Variants in WNT7A observed in about 807,000 individuals in gnomAD.
WNT7A encodes the protein Wnt family member 7A.
A neutral mutation model predicts 28.2 loss-of-function variants in WNT7A; 16 were observed. That is an observed-to-expected ratio of 0.57 (90% CI 0.38 to 0.86). WNT7A has a LOEUF of 0.86. Among genes scored for constraint, WNT7A ranks in the 40% least tolerant of loss-of-function variants. The pLI is 0.00. For synonymous variants in WNT7A, 190 were observed against 195.9 expected, an observed-to-expected ratio of 0.97 and a Z score of 0.25; for missense variants, 411 against 489.7, an observed-to-expected ratio of 0.84 and a Z score of 1.52.
At position 13,880,023 on chromosome 3, in the gene WNT7A, C is replaced by G. The variant is rs904094896; in HGVS notation, c.-207G>C. 1.6e-5 allele frequency: 6 copies of G among 371,864 alleles called. No individual in the cohort carries two copies. Among genetic ancestry groups the G allele is most frequent in the African/African-American group, 4.2e-5 (2 of 47,166 alleles). 23.0% of individuals were successfully genotyped at this position (371,864 alleles called of 1,614,324 possible). A position where few individuals can be genotyped will look rare whatever the true frequency, so the allele number is the denominator to read the frequency against. On this transcript the variant is annotated 5_prime_UTR_variant, in exon 1 of 4. Transcript: ENST00000285018. ...GCGGGAGGAGGGAGGGAGGAGCGAG[C>G]GCGGCGTGGGGCGACGCCGGGCTGC...
At chr3:13,869,901 C>T (rs1052119990) in intron 2 of WNT7A, among the ~76,000 whole-genome samples, 2 of 152,154 alleles carry the variant, frequency 1.3e-5, no homozygotes, top group African/African-American at 4.8e-5. Flanking sequence ...ACTCTCTGAG[C>T]CACCGTCTCC....
chr3:13,879,075 C>T (rs529915606), intron 1 of WNT7A, among the ~76,000 whole-genome samples: 1 of 152,360 alleles, frequency 6.6e-6, no homozygotes, highest in East Asian at 1.9e-4. Flanking sequence ...GTGTCTCAGA[C>T]CGCCTCTCGT....
intron 3 of WNT7A, among the ~76,000 whole-genome samples, chr3:13,834,468 G>C (rs549898092): frequency 2.0e-5 from 3 of 152,042 alleles, no homozygotes; most frequent in Non-Finnish European, 2.9e-5. Context: ...GGTGTACGGG[G>C]CTCCTTTTAC....
At chr3:13,845,802 A>T (rs1275350494) in intron 3 of WNT7A, among the ~76,000 whole-genome samples, 2 of 152,242 alleles carry the variant, frequency 1.3e-5, no homozygotes, top group Non-Finnish European at 2.9e-5. Context: ...CACCAAGAGT[A>T]TGCCAGGCCC....
At chr3:13,860,782 T>A (rs777515122) in intron 2 of WNT7A, among the ~76,000 whole-genome samples, 3 of 152,164 alleles carry the variant, frequency 2.0e-5, no homozygotes, top group Non-Finnish European at 4.4e-5. Flanking sequence ...TTCAGGTGGG[T>A]AATTTCCCGA....
At chr3:13,860,706 G>A (rs1365903376) in intron 2 of WNT7A, among the ~76,000 whole-genome samples, 2 of 152,098 alleles carry the variant, frequency 1.3e-5, no homozygotes, top group Non-Finnish European at 2.9e-5. Flanking sequence ...GAACTCCCTT[G>A]GACCCTGGTC....
intron 2 of WNT7A, among the ~76,000 whole-genome samples, chr3:13,870,963 C>T (rs890035268): frequency 2.6e-5 from 4 of 152,222 alleles, no homozygotes; most frequent in African/African-American, 9.6e-5. Context: ...CCCATTGCTG[C>T]CTCTCAGCTC....
intron 3 of WNT7A, among the ~76,000 whole-genome samples, chr3:13,851,621 A>G (rs796741802): frequency 8.5e-5 from 13 of 152,236 alleles, no homozygotes; most frequent in African/African-American, 3.1e-4. Flanking sequence ...CTTGTACCTG[A>G]TTCTCTCACT....
intron 2 of WNT7A, among the ~76,000 whole-genome samples, chr3:13,857,034 G>A (rs555828296): frequency 2.1e-4 from 32 of 152,078 alleles, no homozygotes; most frequent in African/African-American, 4.3e-4. Context: ...AGTAACACAC[G>A]CCCATCAGAG....
chr3:13,845,726 G>C (rs1443995309), intron 3 of WNT7A, among the ~76,000 whole-genome samples: 1 of 152,204 alleles, frequency 6.6e-6, no homozygotes, highest in African/African-American at 2.4e-5. Context: ...GATGCACCCA[G>C]CCCTACTGCC....
chr3:13,878,885 A>C (rs1280693659), intron 1 of WNT7A, among the ~76,000 whole-genome samples: 1 of 151,944 alleles, frequency 6.6e-6, no homozygotes, highest in East Asian at 1.9e-4. Flanking sequence ...GGCTTTGCAC[A>C]AGCAGCTCCA....
At position 13,875,235 on chromosome 3, in the gene WNT7A, C is replaced by A. The variant is rs572272192; in HGVS notation, c.72-62G>T. On this transcript the variant is annotated intron_variant, in intron 1 of 3. Coordinates refer to ENST00000285018, the MANE Select transcript of WNT7A (RefSeq NM_004625.4). ...CAGCAAGGGGGCATGGCCTGGGAAC[C>A]CTTCGTAGGTGTCCAGCACTGGCCA... 176 of 1,576,574 alleles carry A rather than the reference C, an allele frequency of 1.1e-4. 2 individuals are homozygous for A. Among genetic ancestry groups the A allele is most frequent in the South Asian group, 5.4e-4 (48 of 89,416 alleles).
intron 3 of WNT7A, among the ~76,000 whole-genome samples, chr3:13,849,347 G>T (rs1433355): frequency 0.13 from 20,204 of 152,148 alleles, 1,925 homozygotes; most frequent in African/African-American, 0.27. Context: ...GATACATGGC[G>T]AATCATTTTT....
chr3:13,819,247 G>A lies in WNT7A; in HGVS notation c.747C>T (p.Pro249=), dbSNP rs1047048047. ...EPVRASRNKR[P]TFLKIKKPLS... The stretch of plus-strand genomic sequence containing the variant: ...GTGGCTTCTTGATCTTCAGGAAGGT[G>A]GGCCGCTTGTTGCGGCTGGCACGCA... Residue 249 remains proline (P), a synonymous_variant, in exon 4 of 4, where the codon CCC becomes CCT. Coordinates refer to ENST00000285018, the MANE Select transcript of WNT7A (RefSeq NM_004625.4). The A allele has an allele frequency of 2.5e-6, 4 of 1,614,118 alleles. No individual in the cohort carries two copies. Among genetic ancestry groups the A allele is most frequent in the Admixed American group, 3.3e-5 (2 of 60,016 alleles).
chr3:13,819,318 A>G lies in WNT7A; in HGVS notation c.676T>C (p.Tyr226His). The change falls in exon 4 of 4, where the codon TAC (tyrosine) becomes CAC (histidine). Residue 226 changes from tyrosine to histidine, a missense_variant. By Grantham distance (83) the Tyr-to-His change is moderately conservative. Coordinates refer to ENST00000285018, the MANE Select transcript of WNT7A (RefSeq NM_004625.4). The part of the protein sequence containing the change: ...TTLPQFRELG[Y>H]VLKDKYNEAV... Reference sequence around the variant, plus strand: ...TCGTTGTACTTGTCCTTGAGCACGTAGCCCAGCTCCCGAAACTGTGGCAGT... The same window carrying G: ...TCGTTGTACTTGTCCTTGAGCACGTGGCCCAGCTCCCGAAACTGTGGCAGT... 1 of 1,613,428 alleles carries G rather than the reference A, an allele frequency of 6.2e-7. No homozygotes were observed. Among genetic ancestry groups the G allele is most frequent in the Non-Finnish European group, 8.5e-7 (1 of 1,179,460 alleles).
intron 2 of WNT7A, 102 bp from the exon 3 acceptor site, chr3:13,854,905 C>G: frequency 1.3e-6 from 2 of 1,487,742 alleles, no homozygotes. Context: ...AATGCAATGG[C>G]TCTCCAAAGC....
At chr3:13,873,836 G>A (rs1399235943) in intron 2 of WNT7A, among the ~76,000 whole-genome samples, 3 of 152,204 alleles carry the variant, frequency 2.0e-5, no homozygotes, top group African/African-American at 7.2e-5. Flanking sequence ...CCAGTGTGGT[G>A]TGTTTGGGAA....
Position 13,817,949 on chromosome 3 carries a change from G to A in WNT7A, c.*995C>T, listed in dbSNP as rs1575056711. On this transcript the variant is annotated 3_prime_UTR_variant, in exon 4 of 4. Transcript: ENST00000285018. ...GATGCCTCAACCCCAGGCATCCAGG[G>A]GCAGCTTGTGCCCACTTGGCAAACA... 2.0e-5 allele frequency: 3 copies of A among 152,230 alleles called. No homozygotes were observed. The highest frequency in any genetic ancestry group is 3.9e-4 in the East Asian group (2 of 5,160). 9.4% of individuals were successfully genotyped at this position (152,230 alleles called of 1,614,324 possible). A position where few individuals can be genotyped will look rare whatever the true frequency, so the allele number is the denominator to read the frequency against.
chr3:13,865,586 T>C (rs2124870604), intron 2 of WNT7A, among the ~76,000 whole-genome samples: 1 of 152,234 alleles, frequency 6.6e-6, no homozygotes, highest in South Asian at 2.1e-4. Flanking sequence ...GGGTGAGAAG[T>C]AAACAGCCGT....
Sources: gnomAD v4.1 joint callset for allele counts (sites outside exome capture counted in the v4.1 genomes callset) on GRCh38, gnomAD v4.1.1 for gene constraint, MANE v1.5 for transcripts, NCBI Gene and HGNC (gene_info 2026-07-23, HGNC 2026-07-21) for gene names.